The following KCNN3 variants were observed in gnomAD, a reference collection of about 807,000 sequenced individuals.
KCNN3 encodes the protein small conductance calcium-activated potassium channel protein 3.
KCNN3 carries 16 observed loss-of-function variants against 62.9 expected under a neutral mutation model. The observed-to-expected ratio is 0.25, with a 90% CI of 0.17 to 0.39. The LOEUF is 0.39. Among genes scored for constraint, KCNN3 ranks in the 10% least tolerant of loss-of-function variants. The pLI is 1.00. For synonymous variants in KCNN3, 370 were observed against 389.2 expected, an observed-to-expected ratio of 0.95 and a Z score of 0.58; for missense variants, 599 against 949.4, an observed-to-expected ratio of 0.63 and a Z score of 4.85.
intron 3 of KCNN3, among the ~76,000 whole-genome samples, chr1:154,771,096 TA>T (rs1648539321): frequency 7.9e-6 from 1 of 126,046 alleles, no homozygotes; most frequent in South Asian, 2.5e-4. Flanking sequence ...AATAAATAAA[TA>T]AATAAATAAA....
In KCNN3 at chr1:154,733,284, T is replaced by C; in HGVS notation, c.1449-140A>G. ...GTGACGGTGGCTCACACAGATCTCTTTAGGCTACTGAAGGGGCTGCAACTG... is the reference window on the plus strand; with the variant it reads ...GTGACGGTGGCTCACACAGATCTCTCTAGGCTACTGAAGGGGCTGCAACTG... On this transcript the variant is annotated intron_variant, in intron 3 of 7. Transcript: ENST00000271915. The C allele has an allele frequency of 3.3e-6, 3 of 897,168 alleles. No individual in the cohort carries two copies. In the Admixed American group the frequency reaches 5.7e-5, roughly 17 times the overall value. The allele number at this position is 897,168 out of a possible 1,614,324, so 55.6% of individuals were successfully genotyped here.
chr1:154,853,438 C>T lies in KCNN3; in HGVS notation c.933+15594G>A, dbSNP rs1159236591. 3.9e-5 allele frequency among the ~76,000 whole-genome samples: 6 copies of T among 152,278 alleles called. 1 individual carries two copies. The highest frequency in any genetic ancestry group is 1.4e-4 in the African/African-American group (6 of 41,560). On this transcript the variant is annotated intron_variant, in intron 1 of 7. Coordinates refer to ENST00000271915, the MANE Select transcript of KCNN3 (RefSeq NM_002249.6). ...ACAGCTTTGACCTCCTGGGCTCAAG[C>T]GATCCTCCCACCTCAGACTCCCAAG... is the stretch of plus-strand genomic sequence containing the variant.
At chr1:154,780,309 A>G (rs2101849514) in intron 2 of KCNN3, among the ~76,000 whole-genome samples, 1 of 137,064 alleles carries the variant, frequency 7.3e-6, no homozygotes, top group East Asian at 2.4e-4. Flanking sequence ...TTTTTTATTT[A>G]AGCAAAATCT....
intron 3 of KCNN3, among the ~76,000 whole-genome samples, chr1:154,734,962 G>A (rs1700679557): frequency 6.8e-6 from 1 of 146,994 alleles, no homozygotes; most frequent in Admixed American, 7.1e-5. Flanking sequence ...AGTGAGAGGA[G>A]AGCACCTGGG....
At chr1:154,812,323 TA>T (rs1489810211) in intron 2 of KCNN3, among the ~76,000 whole-genome samples, 1 of 152,160 alleles carries the variant, frequency 6.6e-6, no homozygotes, top group African/African-American at 2.4e-5. Flanking sequence ...GTTTGTTACA[TA>T]TGTATACATG....
chr1:154,732,883 T>A, intron 4 of KCNN3, 120 bp downstream of exon 4: 1 of 977,172 alleles, frequency 1.0e-6, no homozygotes, highest in South Asian at 1.3e-5. Flanking sequence ...CACATGCAGG[T>A]CGGTTAACTA....
chr1:154,764,340 C>T (rs1203269384), intron 3 of KCNN3, among the ~76,000 whole-genome samples: 1 of 152,152 alleles, frequency 6.6e-6, no homozygotes, highest in Non-Finnish European at 1.5e-5. Flanking sequence ...AGGGAAAAGG[C>T]TCTCAGGCTG....
At chr1:154,754,038 T>C (rs1325439929) in intron 3 of KCNN3, among the ~76,000 whole-genome samples, 1 of 152,214 alleles carries the variant, frequency 6.6e-6, no homozygotes, top group Non-Finnish European at 1.5e-5. Context: ...CATGTAGGAA[T>C]GCAAAGTATC....
intron 2 of KCNN3, among the ~76,000 whole-genome samples, chr1:154,798,267 T>C (rs1014729457): frequency 1.6e-4 from 25 of 152,172 alleles, no homozygotes; most frequent in Non-Finnish European, 7.3e-5. Flanking sequence ...AGAAAATAGG[T>C]GGGCATTGAC....
chr1:154,854,027 A>G (rs1022284835), intron 1 of KCNN3, among the ~76,000 whole-genome samples: 5 of 152,042 alleles, frequency 3.3e-5, no homozygotes, highest in African/African-American at 1.2e-4. Context: ...TGAGGTCAGG[A>G]GATCAAGACC....
At chr1:154,854,766 T>C (rs1400954645) in intron 1 of KCNN3, among the ~76,000 whole-genome samples, 1 of 152,250 alleles carries the variant, frequency 6.6e-6, no homozygotes, top group African/African-American at 2.4e-5. Context: ...TGTGTCTCAG[T>C]TTTTAACCAA....
chr1:154,792,861 AT>A lies in KCNN3; in HGVS notation c.1030-20469del, dbSNP rs1297963260. Reference sequence around the variant, plus strand: ...TGCCTGTGATGCAGGCAGAAGTTTGATTTTTTTTCTATCCCTGAAGGTGTTG... The same window carrying A: ...TGCCTGTGATGCAGGCAGAAGTTTGATTTTTTTCTATCCCTGAAGGTGTTG... On this transcript the variant is annotated intron_variant, in intron 2 of 7. Coordinates refer to ENST00000271915, the MANE Select transcript of KCNN3 (RefSeq NM_002249.6). 4.6e-5 allele frequency among the ~76,000 whole-genome samples: 7 copies of A among 151,860 alleles called. No homozygotes were observed. The South Asian group carries it at 1.2e-3, about 27-fold the overall frequency.
chr1:154,736,936 C>T (rs527999409), intron 3 of KCNN3: 14 of 674,656 alleles, frequency 2.1e-5, no homozygotes, highest in South Asian at 9.3e-5. Context: ...CTTCAGTGAT[C>T]GCTTCTCTGG....
chr1:154,714,566 T>TGG (rs1700187162), intron 6 of KCNN3, among the ~76,000 whole-genome samples: 1 of 58,438 alleles, frequency 1.7e-5, no homozygotes, highest in Non-Finnish European at 3.3e-5. Context: ...GGTGTGTGTG[T>TGG]GGTGTGTGTG....
At chr1:154,755,425 T>A (rs546646190) in intron 3 of KCNN3, among the ~76,000 whole-genome samples, 78 of 143,362 alleles carry the variant, frequency 5.4e-4, no homozygotes, top group African/African-American at 1.9e-3. Flanking sequence ...GCTGTCATCA[T>A]GCTATTGCAT....
chr1:154,776,779 G>A (rs942189810), intron 2 of KCNN3, among the ~76,000 whole-genome samples: 9 of 152,276 alleles, frequency 5.9e-5, no homozygotes, highest in East Asian at 1.9e-4. Context: ...ACCTACTTGC[G>A]TCGCACATTA....
intron 3 of KCNN3, among the ~76,000 whole-genome samples, chr1:154,736,001 G>A (rs1700704797): frequency 6.6e-6 from 1 of 152,304 alleles, no homozygotes; most frequent in Non-Finnish European, 1.5e-5. Context: ...AACATTTCCT[G>A]GAAGATAAGT....
At chr1:154,714,318 A>AGGTGTGTGTGGGG (rs1460424064) in intron 6 of KCNN3, among the ~76,000 whole-genome samples, 3 of 75,968 alleles carry the variant, frequency 3.9e-5, no homozygotes, top group Non-Finnish European at 7.9e-5. Flanking sequence ...GGTTTGTGTG[A>AGGTGTGTGTGGGG]GGTGTGTGTG....
chr1:154,729,219 G>A (rs190170186), intron 4 of KCNN3, among the ~76,000 whole-genome samples: 5 of 152,142 alleles, frequency 3.3e-5, no homozygotes, highest in Admixed American at 6.6e-5. Flanking sequence ...GGGTCAGACT[G>A]GGGGGAAGAG....
Sources: gnomAD v4.1 joint callset for allele counts (sites outside exome capture counted in the v4.1 genomes callset) on GRCh38, gnomAD v4.1.1 for gene constraint, MANE v1.5 for transcripts, NCBI Gene and HGNC (gene_info 2026-07-23, HGNC 2026-07-21) for gene names.